The following PCDHGA6 variants were observed in gnomAD, a reference collection of about 807,000 sequenced individuals.
PCDHGA6 encodes the protein protocadherin gamma-A6.
In PCDHGA6, 41 loss-of-function variants were observed where a neutral mutation model predicts 60.6. The observed-to-expected ratio is 0.68, with a 90% CI of 0.53 to 0.88. The LOEUF (loss-of-function observed/expected upper bound fraction) is 0.88. Among genes scored for constraint, PCDHGA6 ranks in the 40% least tolerant of loss-of-function variants. The pLI is 0.00. For synonymous variants in PCDHGA6, 594 were observed against 524.4 expected (o/e 1.13, Z -1.81); for missense variants, 1,312 against 1,203.0 (o/e 1.09, Z -1.34).
chr5:141,419,644 CG>C (rs1418985518), intron 1 of PCDHGA6: 2 of 1,612,396 alleles, frequency 1.2e-6, no homozygotes, highest in Non-Finnish European at 1.7e-6. Flanking sequence ...TGGCCGTGGA[CG>C]CGGACTCGGG....
intron 1 of PCDHGA6, among the ~76,000 whole-genome samples, chr5:141,444,402 C>A (rs916833331): frequency 6.6e-6 from 1 of 151,932 alleles, no homozygotes; most frequent in Admixed American, 6.6e-5. Flanking sequence ...AACTCCCAAC[C>A]TCAGGTGATC....
chr5:141,410,320 C>T (rs752279818), intron 1 of PCDHGA6: 54 of 1,613,880 alleles, frequency 3.3e-5, no homozygotes, highest in Non-Finnish European at 4.5e-5. Context: ...TCCTCCTCGC[C>T]GTGATTCTGG....
Position 141,476,348 on chromosome 5 carries a change from G to C in PCDHGA6, c.2425-18459G>C, listed in dbSNP as rs764669470. Reference sequence around the variant, plus strand: ...GTCTGGAGCTAGCCGAAGATTCTTTGAGGTGAACCGGGAGACCGGAGAGAT... The same window carrying C: ...GTCTGGAGCTAGCCGAAGATTCTTTCAGGTGAACCGGGAGACCGGAGAGAT... On this transcript the variant is annotated intron_variant, in intron 1 of 3. Transcript: ENST00000517434. The surrounding 1 kb of genome is among the most constrained non-coding windows in gnomAD (Gnocchi z 7.6). 2 of 1,614,190 alleles carry C rather than the reference G, an allele frequency of 1.2e-6. No individual in the cohort carries two copies. The highest frequency in any genetic ancestry group is 2.2e-5 in the South Asian group (2 of 91,078).
At chr5:141,510,296 G>A (rs999749575) in intron 3 of PCDHGA6, among the ~76,000 whole-genome samples, 6 of 149,608 alleles carry the variant, frequency 4.0e-5, no homozygotes, top group African/African-American at 1.5e-4. Flanking sequence ...AAAAAATGCT[G>A]TTTTGAAATG....
At chr5:141,415,151 C>G in intron 1 of PCDHGA6, 2 of 1,613,814 alleles carry the variant, frequency 1.2e-6, no homozygotes, top group Non-Finnish European at 1.7e-6. Flanking sequence ...CCCCCTCTCT[C>G]CGCCACTGTC....
chr5:141,510,510 G>C (rs1042950478), intron 3 of PCDHGA6, among the ~76,000 whole-genome samples: 1 of 152,132 alleles, frequency 6.6e-6, no homozygotes, highest in Non-Finnish European at 1.5e-5. Context: ...CTGAGAGCCC[G>C]TGTCACAGCC....
chr5:141,422,422 T>TA, intron 1 of PCDHGA6: 1 of 1,607,804 alleles, frequency 6.2e-7, no homozygotes, highest in Non-Finnish European at 8.5e-7. Flanking sequence ...AGAAAAGACT[T>TA]ATGGAAATTA....
At chr5:141,384,244 C>T in intron 1 of PCDHGA6, 1 of 1,613,828 alleles carries the variant, frequency 6.2e-7, no homozygotes, top group Middle Eastern at 1.6e-4. Flanking sequence ...CAACGATAAC[C>T]CACCCACCTT....
chr5:141,476,741 A>G lies in PCDHGA6; in HGVS notation c.2425-18066A>G, dbSNP rs1430298222. On this transcript the variant is annotated intron_variant, in intron 1 of 3. Transcript: ENST00000517434. The surrounding 1 kb of genome is among the most constrained non-coding windows in gnomAD (Gnocchi z 7.6). ...CGCCCTGGACCGAGAACGGGAGCCT[A>G]GTCTCCAGTTAGTGCTGACGGCGTT... The G allele has an allele frequency of 6.2e-7, 1 of 1,613,936 alleles. No individual in the cohort carries two copies. Among genetic ancestry groups the G allele is most frequent in the Non-Finnish European group, 8.5e-7 (1 of 1,180,032 alleles).
intron 1 of PCDHGA6, chr5:141,411,714 G>C (rs889829564): frequency 6.6e-6 from 1 of 152,420 alleles, no homozygotes; most frequent in Middle Eastern, 3.1e-3. Context: ...AGACTCCATC[G>C]CTACAGAACA....
At chr5:141,389,910 C>A in intron 1 of PCDHGA6, 3 of 1,614,080 alleles carry the variant, frequency 1.9e-6, no homozygotes, top group Non-Finnish European at 2.5e-6. Flanking sequence ...TATCACTGAC[C>A]GCCCCGACCC....
chr5:141,387,668 A>C, intron 1 of PCDHGA6: 1 of 689,820 alleles, frequency 1.4e-6, no homozygotes, highest in Non-Finnish European at 2.4e-6. Flanking sequence ...GGCGCTCCAG[A>C]TCTCCTCGCG....
rs117064561 is a variant in PCDHGA6, at chr5:141,470,737, G to T, written c.2425-24070G>T. Among the ~76,000 whole-genome samples the T allele has an allele frequency of 1.9e-3, 295 of 152,132 alleles. 7 individuals carry two copies. In the East Asian group the frequency reaches 0.046, roughly 24 times the overall value. On this transcript the variant is annotated intron_variant, in intron 1 of 3. Coordinates refer to ENST00000517434, the MANE Select transcript of PCDHGA6 (RefSeq NM_018919.3). ...TTTTGAGTCAGGGTCTTGCTCTGTC[G>T]CCCTGGCTGGAGTGCAGTGGACTCA...
intron 1 of PCDHGA6, chr5:141,384,966 C>A: frequency 6.2e-7 from 1 of 1,614,142 alleles, no homozygotes; most frequent in South Asian, 1.1e-5. Flanking sequence ...ACTATGACCT[C>A]ACGTTGTACC....
chr5:141,464,921 G>C (rs1562002597), intron 1 of PCDHGA6, among the ~76,000 whole-genome samples: 6 of 151,106 alleles, frequency 4.0e-5, no homozygotes, highest in Admixed American at 3.3e-4. Flanking sequence ...TTATTTTTTT[G>C]TAGAGATGTG....
rs372031191 is a variant in PCDHGA6, at chr5:141,395,092, C to T, written c.2424+18585C>T. 3.2e-5 allele frequency: 52 copies of T among 1,614,088 alleles called. No homozygotes were observed. The highest frequency in any genetic ancestry group is 4.2e-5 in the Non-Finnish European group (50 of 1,180,040). On this transcript the variant is annotated intron_variant, in intron 1 of 3. Transcript: ENST00000517434. ...ACCTATTCCCAGGAAGTCTCCCTCA[C>T]CGCCGACTCGCGGAAGAGTCACCTG...
chr5:141,387,840 C>A, intron 1 of PCDHGA6: 1 of 1,597,864 alleles, frequency 6.3e-7, no homozygotes, highest in African/African-American at 1.3e-5. Context: ...TTATTTGTAA[C>A]CCGGCGTCTC....
chr5:141,395,407 G>A (rs1467176036), intron 1 of PCDHGA6: 1 of 826,654 alleles, frequency 1.2e-6, no homozygotes, highest in Non-Finnish European at 1.8e-6. Context: ...ATAGTCATAG[G>A]TTATTGTTTC....
At position 141,489,302 on chromosome 5, in the gene PCDHGA6, T is replaced by C. The variant is rs1258736404; in HGVS notation, c.2425-5505T>C. 2 of 1,586,886 alleles carry C rather than the reference T, an allele frequency of 1.3e-6. No homozygotes were observed. The highest frequency in any genetic ancestry group is 2.3e-5 in the South Asian group (2 of 85,378). ...TGGCAAGTGCTGTGCATGTTGTCCT[T>C]GTGCTGCTGGGGCTGGGTGTCTGGG... On this transcript the variant is annotated intron_variant, in intron 1 of 3. Transcript: ENST00000517434. The surrounding 1 kb of genome is among the most constrained non-coding windows in gnomAD (Gnocchi z 4.5).
Sources: allele counts gnomAD v4.1 joint callset (sites outside exome capture counted in the v4.1 genomes callset), GRCh38; gene constraint gnomAD v4.1.1; non-coding constraint Gnocchi (gnomAD v3.1); transcripts MANE v1.5; gene names NCBI Gene and HGNC (gene_info 2026-07-23, HGNC 2026-07-21).